Variants in BRINP3 observed in about 807,000 individuals in gnomAD.
BRINP3 encodes the protein BMP/retinoic acid inducible neural specific 3.
Under a neutral mutation model 71.0 loss-of-function variants are expected in BRINP3, and 19 were observed. The observed-to-expected ratio is 0.27, with a 90% CI of 0.19 to 0.39. The LOEUF (loss-of-function observed/expected upper bound fraction) is 0.39. BRINP3 is among the 10% of genes least tolerant of loss of function. The pLI is 1.00. For synonymous variants in BRINP3, 380 were observed against 337.7 expected (o/e 1.13, Z -1.37); for missense variants, 959 against 940.8 (o/e 1.02, Z -0.25).
Position 190,424,844 on chromosome 1 carries a change from C to T in BRINP3, c.236+29811G>A, listed in dbSNP as rs538915866. Among the ~76,000 whole-genome samples, 3 of 151,580 alleles carry T rather than the reference C, an allele frequency of 2.0e-5. No homozygotes were observed. The South Asian group carries it at 6.2e-4, about 31-fold the overall frequency. On this transcript the variant is annotated intron_variant, in intron 2 of 7. Transcript: ENST00000367462. ...CTTTAGAAAGCATTTTCCTTTCTAA[C>T]AGAAGGAAATGCCTATATTGTATCA...
intron 4 of BRINP3, among the ~76,000 whole-genome samples, chr1:190,248,986 C>T (rs925061123): frequency 3.3e-5 from 5 of 151,688 alleles, no homozygotes; most frequent in Non-Finnish European, 5.9e-5. Flanking sequence ...TCTTTAGAGG[C>T]TTATAGTGAT....
In BRINP3 at chr1:190,143,421, C is replaced by A. The variant is rs149625350; in HGVS notation, c.1184+17247G>T. Among the ~76,000 whole-genome samples the A allele has an allele frequency of 1.1e-3, 169 of 152,224 alleles. 1 individual carries two copies. Among genetic ancestry groups the A allele is most frequent in the Non-Finnish European group, 1.8e-3 (120 of 68,008 alleles). ...CCAATGGAACTACTCAAAGGTCAAG[C>A]CTTTCAGTTAAAAATAGAAAACAGC... On this transcript the variant is annotated intron_variant, in intron 7 of 7. Transcript: ENST00000367462.
chr1:190,277,899 C>G (rs369360101), intron 3 of BRINP3, among the ~76,000 whole-genome samples: 1 of 151,302 alleles, frequency 6.6e-6, no homozygotes, highest in African/African-American at 2.4e-5. Context: ...ATTACTATAT[C>G]GATAAACAGT....
At chr1:190,414,150 T>A (rs966206347) in intron 2 of BRINP3, among the ~76,000 whole-genome samples, 2 of 152,016 alleles carry the variant, frequency 1.3e-5, no homozygotes, top group Admixed American at 6.6e-5. Context: ...GCTATTTTCA[T>A]TTTAAACAAA....
intron 6 of BRINP3, among the ~76,000 whole-genome samples, chr1:190,218,467 G>A (rs1217975153): frequency 1.3e-5 from 2 of 151,794 alleles, no homozygotes; most frequent in Non-Finnish European, 2.9e-5. Flanking sequence ...AATTATAATT[G>A]TATACATTTA....
chr1:190,339,045 TAAATA>T (rs1158477888), intron 2 of BRINP3, among the ~76,000 whole-genome samples: 2 of 149,796 alleles, frequency 1.3e-5, no homozygotes, highest in African/African-American at 5.0e-5. Flanking sequence ...AATAAATAAA[TAAATA>T]AAACAATCTT....
intron 7 of BRINP3, among the ~76,000 whole-genome samples, chr1:190,102,541 A>T (rs533103885): frequency 5.9e-4 from 90 of 152,184 alleles, no homozygotes; most frequent in African/African-American, 2.1e-3. Flanking sequence ...TTTTTTATCA[A>T]ACAGGTGGCA....
chr1:190,299,092 C>A (rs1296562373), intron 2 of BRINP3, among the ~76,000 whole-genome samples: 1 of 152,072 alleles, frequency 6.6e-6, no homozygotes, highest in Non-Finnish European at 1.5e-5. Flanking sequence ...CTGAATTCTG[C>A]TTTACCTTAT....
At chr1:190,345,715 G>GGAA (rs776250039) in intron 2 of BRINP3, among the ~76,000 whole-genome samples, 15 of 103,630 alleles carry the variant, frequency 1.4e-4, no homozygotes, top group Non-Finnish European at 2.7e-4. Flanking sequence ...TTTACCTTCA[G>GGAA]AAAAAAAAAA....
At chr1:190,262,895 A>G (rs1469780422) in intron 4 of BRINP3, among the ~76,000 whole-genome samples, 2 of 152,066 alleles carry the variant, frequency 1.3e-5, no homozygotes, top group African/African-American at 4.8e-5. Context: ...ATATATATAC[A>G]TATGTGTGTG....
At position 190,211,851 on chromosome 1, in the gene BRINP3, G is replaced by A. The variant is rs542220832; in HGVS notation, c.961+14231C>T. ...AGCAAAATTTGGTAATGGCAAGGATGATATTCATAATATTTTAAACACTGG... is the reference window on the plus strand; with the variant it reads ...AGCAAAATTTGGTAATGGCAAGGATAATATTCATAATATTTTAAACACTGG... On this transcript the variant is annotated intron_variant, in intron 6 of 7. Coordinates refer to ENST00000367462, the MANE Select transcript of BRINP3 (RefSeq NM_199051.3). Among the ~76,000 whole-genome samples the A allele has an allele frequency of 4.9e-4, 74 of 152,194 alleles. 1 individual carries two copies. The highest frequency in any genetic ancestry group is 1.7e-3 in the African/African-American group (72 of 41,556).
chr1:190,148,557 CTGTA>C (rs1419117394), intron 7 of BRINP3, among the ~76,000 whole-genome samples: 1 of 150,784 alleles, frequency 6.6e-6, no homozygotes, highest in African/African-American at 2.4e-5. Context: ...GATCGCGCCG[CTGTA>C]TACAGCCAGG....
intron 7 of BRINP3, among the ~76,000 whole-genome samples, chr1:190,160,084 C>G (rs1241450373): frequency 1.3e-5 from 2 of 151,956 alleles, no homozygotes; most frequent in Non-Finnish European, 2.9e-5. Context: ...CTTTTTATTA[C>G]ACTTACTTGT....
chr1:190,192,579 A>C lies in BRINP3; in HGVS notation c.962-31689T>G, dbSNP rs150893389. On this transcript the variant is annotated intron_variant, in intron 6 of 7. Coordinates refer to ENST00000367462, the MANE Select transcript of BRINP3 (RefSeq NM_199051.3). ...ATTTGCAATTGGCATAAGCATAATA[A>C]AGTCTCCCAAAATGAAAACTTTCAG... Among the ~76,000 whole-genome samples, 824 of 152,208 alleles carry C rather than the reference A, an allele frequency of 5.4e-3. 6 individuals are homozygous for C. Among genetic ancestry groups the C allele is most frequent in the African/African-American group, 0.018 (751 of 41,548 alleles).
At chr1:190,384,472 T>C (rs1670754758) in intron 2 of BRINP3, among the ~76,000 whole-genome samples, 1 of 151,802 alleles carries the variant, frequency 6.6e-6, no homozygotes. Context: ...GAGATAAATA[T>C]CACATATATA....
chr1:190,310,340 C>G (rs975423487), intron 2 of BRINP3, among the ~76,000 whole-genome samples: 4 of 151,574 alleles, frequency 2.6e-5, no homozygotes, highest in African/African-American at 4.8e-5. Context: ...ATAAGGCATA[C>G]AGGCTTTCTG....
At chr1:190,236,785 A>G (rs115385993) in intron 4 of BRINP3, among the ~76,000 whole-genome samples, 2,280 of 152,110 alleles carry the variant, frequency 0.015, 71 homozygotes, top group African/African-American at 0.051. Context: ...TAATAAAAGC[A>G]TCAAAGAGAA....
At position 190,422,190 on chromosome 1, in the gene BRINP3, T is replaced by C. The variant is rs1178658146; in HGVS notation, c.236+32465A>G. Among the ~76,000 whole-genome samples the C allele has an allele frequency of 6.6e-5, 10 of 151,846 alleles. No homozygotes were observed. The Admixed American group carries it at 6.6e-4, about 10-fold the overall frequency. The stretch of plus-strand genomic sequence containing the variant: ...AACTCGTGGTTAATTCAAGGTATAA[T>C]AAGACAATGCATGACACGAAGCATT... On this transcript the variant is annotated intron_variant, in intron 2 of 7. Coordinates refer to ENST00000367462, the MANE Select transcript of BRINP3 (RefSeq NM_199051.3).
At position 190,160,870 on chromosome 1, in the gene BRINP3, T is replaced by C; in HGVS notation, c.982A>G (p.Lys328Glu). The C allele has an allele frequency of 6.2e-7, 1 of 1,602,698 alleles. No individual in the cohort carries two copies. Among genetic ancestry groups the C allele is most frequent in the Non-Finnish European group, 8.5e-7 (1 of 1,175,318 alleles). Reference sequence around the variant, plus strand: ...AGGAAATAATTCATAGGTAGCCTTTTCATAAATAACTTGAATTCATCTGAA... The same window carrying C: ...AGGAAATAATTCATAGGTAGCCTTTCCATAAATAACTTGAATTCATCTGAA... Reference protein sequence around the residue: ...EESDEFKLFMKRLPMNYFLNT... With the variant: ...EESDEFKLFMERLPMNYFLNT... Residue 328 changes from lysine to glutamate, a missense_variant, in exon 7 of 8, where the codon AAA (lysine) becomes GAA (glutamate). Lys to Glu is a moderately conservative substitution (Grantham distance 56). Transcript: ENST00000367462.
Sources: gnomAD v4.1 joint callset for allele counts (sites outside exome capture counted in the v4.1 genomes callset) on GRCh38, gnomAD v4.1.1 for gene constraint, MANE v1.5 for transcripts, NCBI Gene and HGNC (gene_info 2026-07-23, HGNC 2026-07-21) for gene names.